FBXO25: variants seen among roughly 807,000 people sequenced by gnomAD.
The protein encoded by FBXO25 is F-box only protein 25.
FBXO25 carries 45 observed loss-of-function variants against 51.9 expected under a neutral mutation model. The observed-to-expected ratio is 0.87, with a 90% CI of 0.68 to 1.11. The LOEUF (loss-of-function observed/expected upper bound fraction) is 1.11, where lower values mean the gene tolerates loss of function less well. Among genes scored for constraint, FBXO25 ranks in the 50% most tolerant of loss-of-function variants. The probability of loss-of-function intolerance (pLI) is 0.00; values close to 1 mark genes in which losing one functional copy is unlikely to be tolerated. For missense variants in FBXO25, 507 were observed against 428.5 expected, an observed-to-expected ratio of 1.18 and a Z score of -1.62; for synonymous variants, 199 against 151.0, an observed-to-expected ratio of 1.32 and a Z score of -2.33.
chr8:419,499 T>C (rs1797022930), intron 2 of FBXO25, among the ~76,000 whole-genome samples: 1 of 152,234 alleles, frequency 6.6e-6, no homozygotes, highest in African/African-American at 2.4e-5. Flanking sequence ...GATAAGTCCA[T>C]ACAGATATGG....
chr8:412,890 T>G (rs996335822), intron 1 of FBXO25, among the ~76,000 whole-genome samples, 183 bp from the exon 2 acceptor site: 1 of 152,200 alleles, frequency 6.6e-6, no homozygotes, highest in Non-Finnish European at 1.5e-5. Context: ...CTTACCCCAT[T>G]TGATCACTTT....
At chr8:410,295 T>C (rs1796411949) in intron 1 of FBXO25, among the ~76,000 whole-genome samples, 1 of 152,332 alleles carries the variant, frequency 6.6e-6, no homozygotes, top group East Asian at 1.9e-4. Context: ...TCTTTTTTAG[T>C]TCCTTAGCTA....
In FBXO25 at chr8:471,540, TAGTA is replaced by T. The variant is rs780984700; in HGVS notation, c.*2740_*2743del. 1.3e-5 allele frequency: 2 copies of T among 152,182 alleles called. No individual in the cohort carries two copies. Among genetic ancestry groups the T allele is most frequent in the South Asian group, 2.1e-4 (1 of 4,822 alleles). The allele number at this position is 152,182 out of a possible 1,614,324, so 9.4% of individuals were successfully genotyped here. On this transcript the variant is annotated 3_prime_UTR_variant, in exon 10 of 10. Coordinates refer to ENST00000350302, the MANE Select transcript of FBXO25 (RefSeq NM_183420.2). Reference sequence around the variant, plus strand: ...AGGACCCCAGGAGCCTAAAGCCAGGTAGTAAGTTTCACTTGCCCATCGCTCCTGT... The same window carrying T: ...AGGACCCCAGGAGCCTAAAGCCAGGTAGTTTCACTTGCCCATCGCTCCTGT...
At position 432,927 on chromosome 8, in the gene FBXO25, A is replaced by G. The variant is rs1353885421; in HGVS notation, c.280A>G (p.Thr94Ala). ...ATGGATCTATGTCCATAAAGAAAGC[A>G]CAAAGGAAGTAAGTATTCTATTATA... is the stretch of plus-strand genomic sequence containing the variant. ...EKWIYVHKES[T>A]KERHGYCTLG... Residue 94 changes from threonine to alanine, a missense_variant, in exon 4 of 10, where the codon ACA (threonine) becomes GCA (alanine). Thr to Ala is a moderately conservative substitution (Grantham distance 58, BLOSUM62 0). Coordinates refer to ENST00000350302, the MANE Select transcript of FBXO25 (RefSeq NM_183420.2). The G allele has an allele frequency of 6.4e-7, 1 of 1,557,812 alleles. No homozygotes were observed. The highest frequency in any genetic ancestry group is 2.4e-5 in the East Asian group (1 of 42,530).
At chr8:433,227 T>G (rs1226826160) in intron 4 of FBXO25, among the ~76,000 whole-genome samples, 19 of 152,132 alleles carry the variant, frequency 1.2e-4, no homozygotes, top group Admixed American at 1.0e-3. Context: ...TGTATGATTG[T>G]GCATGTATTT....
intron 2 of FBXO25, among the ~76,000 whole-genome samples, chr8:426,776 G>T (rs550539826): frequency 6.6e-6 from 1 of 151,982 alleles, no homozygotes; most frequent in East Asian, 1.9e-4. Context: ...TTCTCCCTGC[G>T]GAGTGAGATG....
At chr8:426,119 G>A (rs192638752) in intron 2 of FBXO25, among the ~76,000 whole-genome samples, 1 of 152,230 alleles carries the variant, frequency 6.6e-6, no homozygotes, top group Non-Finnish European at 1.5e-5. Context: ...TCACTGTCAT[G>A]TGCCAGCAGC....
At chr8:455,075 A>T (rs1183263935) in intron 7 of FBXO25, among the ~76,000 whole-genome samples, 1 of 152,054 alleles carries the variant, frequency 6.6e-6, no homozygotes, top group Non-Finnish European at 1.5e-5. Context: ...AAATTCCCAG[A>T]AGTTGCAGAA....
intron 8 of FBXO25, among the ~76,000 whole-genome samples, chr8:461,740 T>G (rs889497559): frequency 2.6e-5 from 4 of 152,168 alleles, no homozygotes; most frequent in African/African-American, 9.7e-5. Flanking sequence ...GGATGTGTAA[T>G]GTAAGAGGAA....
chr8:424,331 A>G (rs1368401349), intron 2 of FBXO25, among the ~76,000 whole-genome samples: 5 of 152,100 alleles, frequency 3.3e-5, no homozygotes, highest in South Asian at 2.1e-4. Context: ...TTCTCTGTCA[A>G]TAGTTTCTCT....
At position 475,476 on chromosome 8, in the gene FBXO25, T is replaced by C. The variant is rs779318242; in HGVS notation, c.*6672T>C. The stretch of plus-strand genomic sequence containing the variant: ...GATGGAAAAAAAAAAGCCACTGGGA[T>C]ATTCTGATAGAGATTGCATGAAATC... On this transcript the variant is annotated 3_prime_UTR_variant, in exon 10 of 10. Coordinates refer to ENST00000350302, the MANE Select transcript of FBXO25 (RefSeq NM_183420.2). 6.5e-6 allele frequency: 1 copy of C among 153,622 alleles called. No homozygotes were observed. The highest frequency in any genetic ancestry group is 2.4e-5 in the African/African-American group (1 of 41,456). 9.5% of individuals were successfully genotyped at this position (153,622 alleles called of 1,614,324 possible).
At chr8:408,588 G>T (rs1463745870) in intron 1 of FBXO25, among the ~76,000 whole-genome samples, 2 of 152,204 alleles carry the variant, frequency 1.3e-5, no homozygotes, top group Non-Finnish European at 2.9e-5. Context: ...AGATTGTTTA[G>T]AGTAATGCGT....
intron 5 of FBXO25, among the ~76,000 whole-genome samples, chr8:436,855 G>A (rs1325693319): frequency 6.6e-6 from 1 of 152,152 alleles, no homozygotes; most frequent in African/African-American, 2.4e-5. Context: ...CTACATAAAA[G>A]GATTTAATTC....
At chr8:444,119 C>T (rs1475565954) in intron 5 of FBXO25, among the ~76,000 whole-genome samples, 1 of 152,234 alleles carries the variant, frequency 6.6e-6, no homozygotes, top group African/African-American at 2.4e-5. Flanking sequence ...TCAGGTACTT[C>T]AGATGGTGCC....
rs1800421376 is a variant in FBXO25, at chr8:469,879, G to C, written c.*1075G>C. The C allele has an allele frequency of 6.6e-6, 1 of 151,838 alleles. No individual in the cohort carries two copies. Among genetic ancestry groups the C allele is most frequent in the Admixed American group, 6.6e-5 (1 of 15,238 alleles). The allele number at this position is 151,838 out of a possible 1,614,324, so 9.4% of individuals were successfully genotyped here. ...GTATACTTTTATGGCGTTATAAATA[G>C]GACTAAAAAAAGATTCTGGATTTTT... On this transcript the variant is annotated 3_prime_UTR_variant, in exon 10 of 10. Coordinates refer to ENST00000350302, the MANE Select transcript of FBXO25 (RefSeq NM_183420.2).
intron 1 of FBXO25, among the ~76,000 whole-genome samples, chr8:409,463 T>C (rs61308458): frequency 0.014 from 2,155 of 152,344 alleles, 51 homozygotes; most frequent in African/African-American, 0.048. Context: ...CATTTTTCAC[T>C]GAGTTGCCAA....
intron 5 of FBXO25, among the ~76,000 whole-genome samples, chr8:442,032 A>G (rs1378937447): frequency 6.6e-6 from 1 of 152,200 alleles, no homozygotes; most frequent in African/African-American, 2.4e-5. Flanking sequence ...GGCAAATTAG[A>G]TGGAACTGTT....
intron 1 of FBXO25, among the ~76,000 whole-genome samples, chr8:407,722 CCCGTCTGCT>C (rs1384490525): frequency 7.2e-4 from 110 of 152,278 alleles, no homozygotes; most frequent in African/African-American, 2.5e-3. Flanking sequence ...GCCACTCTGC[CCCGTCTGCT>C]GCTTACCTTT....
chr8:428,499 C>G (rs1318092065), intron 2 of FBXO25, among the ~76,000 whole-genome samples: 1 of 151,966 alleles, frequency 6.6e-6, no homozygotes, highest in Non-Finnish European at 1.5e-5. Context: ...ACTTCCTCTC[C>G]TCTCTTGCAC....
Sources: gnomAD v4.1 joint callset for allele counts (sites outside exome capture counted in the v4.1 genomes callset) on GRCh38, gnomAD v4.1.1 for gene constraint, MANE v1.5 for transcripts, NCBI Gene and HGNC (gene_info 2026-07-23, HGNC 2026-07-21) for gene names.